SNX13: variants seen among roughly 807,000 people sequenced by gnomAD.
SNX13 encodes sorting nexin 13.
A neutral mutation model predicts 133.6 loss-of-function variants in SNX13; 45 were observed. That is an observed-to-expected ratio of 0.34 (90% CI 0.27 to 0.43). SNX13 has a LOEUF of 0.43. SNX13 is among the 20% of genes least tolerant of loss of function. SNX13 has a pLI of 1.00. For synonymous variants in SNX13, 414 were observed against 373.9 expected, an observed-to-expected ratio of 1.11 and a Z score of -1.24; for missense variants, 1,032 against 1,145.1, an observed-to-expected ratio of 0.90 and a Z score of 1.43.
intron 7 of SNX13, 38 bp downstream of exon 7, chr7:17,875,442 C>A (rs1334167512): frequency 1.3e-6 from 2 of 1,549,760 alleles, no homozygotes; most frequent in South Asian, 1.2e-5. Flanking sequence ...TGACTCTAGC[C>A]AGCTACTATT....
intron 9 of SNX13, among the ~76,000 whole-genome samples, chr7:17,851,726 G>T (rs142856014): frequency 6.6e-6 from 1 of 151,014 alleles, no homozygotes; most frequent in African/African-American, 2.4e-5. Flanking sequence ...GGGCGGGGGG[G>T]GCGGGGAGTC....
chr7:17,844,205 A>G (rs1322317670), intron 12 of SNX13, among the ~76,000 whole-genome samples: 1 of 152,074 alleles, frequency 6.6e-6, no homozygotes, highest in African/African-American at 2.4e-5. Context: ...AAAAGACTCA[A>G]ATTACTAAAA....
At chr7:17,804,378 A>T (rs1784956098) in intron 20 of SNX13, among the ~76,000 whole-genome samples, 1 of 152,138 alleles carries the variant, frequency 6.6e-6, no homozygotes, top group Non-Finnish European at 1.5e-5. Flanking sequence ...TTTATTTTTT[A>T]AAATAATTTT....
In SNX13 at chr7:17,891,712, C is replaced by T; in HGVS notation, c.229-77G>A. 5 of 912,262 alleles carry T rather than the reference C, an allele frequency of 5.5e-6. No individual in the cohort carries two copies. The South Asian group carries it at 7.4e-5, about 14-fold the overall frequency. 56.5% of individuals were successfully genotyped at this position (912,262 alleles called of 1,614,324 possible). A position where few individuals can be genotyped will look rare whatever the true frequency, so the allele number is the denominator to read the frequency against. On this transcript the variant is annotated intron_variant, in intron 3 of 25. Transcript: ENST00000428135. ...TCCAGTTTAATTCCAGTTGAATACT[C>T]AATGTAACATCCCTTCATTATCCTC...
intron 17 of SNX13, among the ~76,000 whole-genome samples, chr7:17,823,036 T>A (rs1334521439): frequency 5.9e-5 from 9 of 152,214 alleles, no homozygotes; most frequent in Non-Finnish European, 8.8e-5. Context: ...CTAGGCTTTA[T>A]GTAAAGCACT....
intron 20 of SNX13, among the ~76,000 whole-genome samples, chr7:17,811,820 C>T (rs941461166): frequency 6.6e-6 from 1 of 152,018 alleles, no homozygotes; most frequent in African/African-American, 2.4e-5. Context: ...TGGAACAGAA[C>T]GGAGGCCTCA....
At chr7:17,801,742 T>A (rs936552206) in intron 21 of SNX13, 83 bp from the exon 22 acceptor site, 1 of 998,652 alleles carries the variant, frequency 1.0e-6, no homozygotes, top group Non-Finnish European at 1.5e-6. Context: ...CCTAAATGAG[T>A]ATCAGCATTT....
chr7:17,813,577 A>C (rs946336946), intron 20 of SNX13, among the ~76,000 whole-genome samples: 123 of 151,554 alleles, frequency 8.1e-4, no homozygotes, highest in African/African-American at 2.8e-3. Flanking sequence ...TGAAGTAATC[A>C]TATGAACTCC....
At chr7:17,894,447 C>A (rs1459394505) in intron 2 of SNX13, among the ~76,000 whole-genome samples, 1 of 151,734 alleles carries the variant, frequency 6.6e-6, no homozygotes, top group Non-Finnish European at 1.5e-5. Context: ...ATTATTATAA[C>A]TTTCCAGTAT....
intron 8 of SNX13, among the ~76,000 whole-genome samples, chr7:17,869,212 T>C (rs1198861104): frequency 6.6e-6 from 1 of 152,090 alleles, no homozygotes; most frequent in Non-Finnish European, 1.5e-5. Context: ...ATTTTCTCTG[T>C]AATTATAAGT....
intron 1 of SNX13, among the ~76,000 whole-genome samples, chr7:17,902,567 T>C (rs1376034590): frequency 6.6e-6 from 1 of 152,168 alleles, no homozygotes; most frequent in Non-Finnish European, 1.5e-5. Flanking sequence ...ATAATTGGGT[T>C]CTAATTATTT....
At chr7:17,889,473 A>T (rs1796388641) in intron 5 of SNX13, 1 of 152,122 alleles carries the variant, frequency 6.6e-6, no homozygotes, top group Admixed American at 6.5e-5. Flanking sequence ...TTTGCGTGTG[A>T]TGGTAGCAAC....
At chr7:17,838,199 T>C (rs1789380856) in intron 13 of SNX13, among the ~76,000 whole-genome samples, 1 of 152,018 alleles carries the variant, frequency 6.6e-6, no homozygotes, top group Non-Finnish European at 1.5e-5. Flanking sequence ...ATTTTCTATT[T>C]CTTCTTGAGT....
intron 20 of SNX13, among the ~76,000 whole-genome samples, chr7:17,812,196 T>A (rs1786127251): frequency 6.6e-6 from 1 of 151,974 alleles, no homozygotes; most frequent in African/African-American, 2.4e-5. Context: ...GAAACTACCA[T>A]CAGCATAAAC....
chr7:17,851,388 T>C (rs1278982181), intron 9 of SNX13, among the ~76,000 whole-genome samples: 1 of 152,184 alleles, frequency 6.6e-6, no homozygotes, highest in Non-Finnish European at 1.5e-5. Flanking sequence ...ACCTAAAATA[T>C]AACACAACCA....
intron 13 of SNX13, among the ~76,000 whole-genome samples, chr7:17,838,958 G>T (rs926945755): frequency 6.7e-6 from 1 of 150,190 alleles, no homozygotes; most frequent in South Asian, 2.1e-4. Context: ...ATGTATTACA[G>T]TATTACATTA....
At chr7:17,831,008 C>T (rs2128308911) in intron 15 of SNX13, 1 of 984,310 alleles carries the variant, frequency 1.0e-6, no homozygotes, top group Non-Finnish European at 1.2e-6. Context: ...TAGGATTATC[C>T]CTTGGTGATA....
At chr7:17,931,378 A>G (rs756677763) in intron 1 of SNX13, among the ~76,000 whole-genome samples, 6 of 152,246 alleles carry the variant, frequency 3.9e-5, no homozygotes, top group Non-Finnish European at 7.3e-5. Flanking sequence ...AATAACAGAA[A>G]TACGGTGAAA....
chr7:17,851,022 CTG>C, intron 9 of SNX13, 58 bp from the exon 10 acceptor site: 4 of 1,529,962 alleles, frequency 2.6e-6, no homozygotes, highest in Non-Finnish European at 3.5e-6. Context: ...AAAAGGAAAA[CTG>C]AATCTTGAGT....
Sources: allele counts gnomAD v4.1 joint callset (sites outside exome capture counted in the v4.1 genomes callset), GRCh38; gene constraint gnomAD v4.1.1; transcripts MANE v1.5; gene names NCBI Gene and HGNC (gene_info 2026-07-23, HGNC 2026-07-21).